Variants in TENM2 observed in about 807,000 individuals in gnomAD.
TENM2 encodes teneurin transmembrane protein 2, also known as teneurin-2.
A neutral mutation model predicts 245.2 loss-of-function variants in TENM2; 52 were observed. The ratio of observed to expected loss-of-function variants is 0.21; its 90% CI spans 0.17 to 0.27. TENM2 has a LOEUF of 0.27. Ranked by LOEUF, TENM2 falls within the 10% of genes least tolerant of loss-of-function variation. The pLI is 1.00. For synonymous variants in TENM2, 1,363 were observed against 1,438.9 expected (o/e 0.95, Z 1.19); for missense variants, 3,046 against 3,666.8 (o/e 0.83, Z 4.37).
At chr5:168,036,677 GTATATATA>G (rs60784450) in intron 5 of TENM2, among the ~76,000 whole-genome samples, 11 of 117,794 alleles carry the variant, frequency 9.3e-5, no homozygotes, top group African/African-American at 3.0e-4. Flanking sequence ...ATATGTATGT[GTATATATA>G]TATATATATA....
the TENM2 span, among the ~76,000 whole-genome samples, chr5:167,088,893 C>G: frequency 6.6e-6 from 1 of 152,112 alleles, no homozygotes; most frequent in South Asian, 2.1e-4. Flanking sequence ...TGACTGAAGT[C>G]CCACCTCAAG....
chr5:167,486,453 C>T (rs547646245), intron 2 of TENM2, among the ~76,000 whole-genome samples: 65 of 151,842 alleles, frequency 4.3e-4, no homozygotes, highest in African/African-American at 1.2e-3. Flanking sequence ...CTCAGCCTCC[C>T]GAGTAGCTGG....
At chr5:167,959,138 C>T (rs566135070) in intron 4 of TENM2, among the ~76,000 whole-genome samples, 6 of 151,746 alleles carry the variant, frequency 4.0e-5, no homozygotes, top group Admixed American at 6.6e-5. Flanking sequence ...AGGTTTGGCC[C>T]TTTCACATAG....
chr5:168,180,432 G>T (rs964238128), intron 13 of TENM2, among the ~76,000 whole-genome samples: 8 of 152,178 alleles, frequency 5.3e-5, no homozygotes, highest in Admixed American at 2.6e-4. Context: ...CTCCACTTTT[G>T]TGTTTCAGGG....
the TENM2 span, among the ~76,000 whole-genome samples, chr5:167,251,466 C>CATA: frequency 1.3e-5 from 2 of 152,088 alleles, no homozygotes; most frequent in African/African-American, 4.8e-5. Context: ...TAATGTCTTA[C>CATA]AGTGTCCTTC....
the TENM2 span, among the ~76,000 whole-genome samples, chr5:167,142,948 A>G: frequency 6.6e-6 from 1 of 152,206 alleles, no homozygotes; most frequent in South Asian, 2.1e-4. Context: ...CTGCGGGAAC[A>G]TTGAGTTTGG....
the TENM2 span, among the ~76,000 whole-genome samples, chr5:167,277,586 G>T: frequency 6.6e-6 from 1 of 152,140 alleles, no homozygotes; most frequent in Non-Finnish European, 1.5e-5. Context: ...ATAACCTGTT[G>T]TTGTTGGGAG....
At chr5:168,221,281 GC>G (rs1409489309) in intron 23 of TENM2, among the ~76,000 whole-genome samples, 1 of 152,012 alleles carries the variant, frequency 6.6e-6, no homozygotes, top group East Asian at 1.9e-4. Context: ...AGGTACAGAA[GC>G]CATTTATCTG....
chr5:167,164,456 G>A, the TENM2 span, among the ~76,000 whole-genome samples: 1 of 152,162 alleles, frequency 6.6e-6, no homozygotes, highest in Admixed American at 6.5e-5. Context: ...TATGTTCTGA[G>A]GCTAAAATTT....
chr5:167,322,648 C>T (rs990494291), intron 1 of TENM2, among the ~76,000 whole-genome samples: 2 of 152,128 alleles, frequency 1.3e-5, no homozygotes, highest in African/African-American at 2.4e-5. Flanking sequence ...TGAAAATAAA[C>T]ATCACTGTCC....
At chr5:167,701,280 G>A (rs1468939964) in intron 2 of TENM2, among the ~76,000 whole-genome samples, 1 of 152,066 alleles carries the variant, frequency 6.6e-6, no homozygotes, top group Non-Finnish European at 1.5e-5. Context: ...AGTTAAATGA[G>A]GCACCTTTTG....
chr5:167,304,394 A>G (rs1355731541), intron 1 of TENM2, among the ~76,000 whole-genome samples: 4 of 152,170 alleles, frequency 2.6e-5, no homozygotes, highest in Admixed American at 6.5e-5. Context: ...TCACAGCCTC[A>G]GTCTCAGCCT....
rs1022830510 is a variant in TENM2, at chr5:168,164,472, G to A, written c.2569+1715G>A. Reference sequence around the variant, plus strand: ...AGCCATGCCCATTTGTTTATGTTTGGCCTAGGGCTGCTTGCACTCTCCATG... The same window carrying A: ...AGCCATGCCCATTTGTTTATGTTTGACCTAGGGCTGCTTGCACTCTCCATG... On this transcript the variant is annotated intron_variant, in intron 13 of 28. Coordinates refer to ENST00000518659, the Ensembl canonical transcript of TENM2. Among the ~76,000 whole-genome samples, 9 of 151,984 alleles carry A rather than the reference G, an allele frequency of 5.9e-5. No homozygotes were observed. In the South Asian group the frequency reaches 8.3e-4, roughly 14 times the overall value.
intron 1 of TENM2, among the ~76,000 whole-genome samples, chr5:167,365,449 TAAAC>T (rs1343103431): frequency 1.4e-5 from 2 of 147,934 alleles, no homozygotes; most frequent in African/African-American, 2.5e-5. Flanking sequence ...AAATGGAAAA[TAAAC>T]AATACAATAA....
chr5:167,181,466 TTGTGTG>T, the TENM2 span, among the ~76,000 whole-genome samples: 59 of 122,586 alleles, frequency 4.8e-4, no homozygotes, highest in African/African-American at 6.2e-4. Flanking sequence ...AGCCGCTCGT[TTGTGTG>T]TGTGTGTGTG....
intron 13 of TENM2, among the ~76,000 whole-genome samples, chr5:168,178,944 A>T (rs1034513249): frequency 6.6e-6 from 1 of 152,072 alleles, no homozygotes; most frequent in African/African-American, 2.4e-5. Flanking sequence ...AGACCAGGCT[A>T]GCCAACATGG....
chr5:167,060,676 A>G, the TENM2 span, among the ~76,000 whole-genome samples: 1 of 151,512 alleles, frequency 6.6e-6, no homozygotes, highest in Non-Finnish European at 1.5e-5. Flanking sequence ...AAAGAAATAC[A>G]TTAAATTTGA....
chr5:167,387,038 G>C (rs921813390), intron 2 of TENM2, among the ~76,000 whole-genome samples: 1 of 152,058 alleles, frequency 6.6e-6, no homozygotes, highest in African/African-American at 2.4e-5. Flanking sequence ...TTCTAATTCA[G>C]TGAAGAATCA....
At chr5:167,974,542 T>C (rs1782288929) in intron 4 of TENM2, among the ~76,000 whole-genome samples, 1 of 152,160 alleles carries the variant, frequency 6.6e-6, no homozygotes, top group Non-Finnish European at 1.5e-5. Context: ...ATAACAGTAA[T>C]AGCCAACATT....
Sources: gnomAD v4.1 joint callset for allele counts (sites outside exome capture counted in the v4.1 genomes callset) on GRCh38, gnomAD v4.1.1 for gene constraint, MANE v1.5 for transcripts, NCBI Gene and HGNC (gene_info 2026-07-23, HGNC 2026-07-21) for gene names.